Variants in TENM4 observed in about 807,000 individuals in gnomAD.
TENM4 encodes teneurin transmembrane protein 4.
TENM4 carries 82 observed loss-of-function variants against 243.3 expected under a neutral mutation model. That is an observed-to-expected ratio of 0.34 (90% CI 0.28 to 0.40). TENM4 has a LOEUF of 0.40. TENM4 is among the 10% of genes least tolerant of loss of function. TENM4 has a pLI of 1.00. For synonymous variants in TENM4, 1,412 were observed against 1,456.3 expected (o/e 0.97, Z 0.69); for missense variants, 3,138 against 3,673.3 (o/e 0.85, Z 3.77).
At chr11:79,185,164 G>A (rs994627611) in intron 3 of TENM4, among the ~76,000 whole-genome samples, 6 of 152,044 alleles carry the variant, frequency 3.9e-5, no homozygotes, top group African/African-American at 1.4e-4. Flanking sequence ...TGGATGTGGT[G>A]GCACATGCCT....
At chr11:79,044,778 G>A (rs1350022083) in intron 6 of TENM4, among the ~76,000 whole-genome samples, 3 of 152,118 alleles carry the variant, frequency 2.0e-5, no homozygotes, top group Non-Finnish European at 4.4e-5. Context: ...GGGTTAAAAC[G>A]GAAAACACAT....
At chr11:79,122,136 C>A (rs970083239) in intron 4 of TENM4, among the ~76,000 whole-genome samples, 10 of 152,130 alleles carry the variant, frequency 6.6e-5, no homozygotes. Flanking sequence ...CTCCTTTCTT[C>A]CTACAGTGGG....
intron 6 of TENM4, among the ~76,000 whole-genome samples, chr11:78,955,105 G>C (rs553462750): frequency 6.6e-5 from 10 of 152,300 alleles, no homozygotes; most frequent in African/African-American, 2.4e-4. Flanking sequence ...CTCACATGTT[G>C]GACTGACCAT....
intron 6 of TENM4, among the ~76,000 whole-genome samples, chr11:78,945,367 G>A (rs1201971040): frequency 6.6e-6 from 1 of 152,158 alleles, no homozygotes; most frequent in African/African-American, 2.4e-5. Context: ...TAATTGTTCT[G>A]AGATGCCACA....
chr11:79,036,286 C>G (rs898877400), intron 6 of TENM4, among the ~76,000 whole-genome samples: 3 of 152,228 alleles, frequency 2.0e-5, no homozygotes, highest in African/African-American at 7.2e-5. Flanking sequence ...ATAAACTCCA[C>G]GATGAGTGTT....
chr11:78,923,253 G>A (rs1470251818), intron 6 of TENM4, among the ~76,000 whole-genome samples: 1 of 152,104 alleles, frequency 6.6e-6, no homozygotes, highest in African/African-American at 2.4e-5. Flanking sequence ...TTTGAACCAA[G>A]GGCCCTGTAT....
chr11:79,220,782 A>G (rs1183466854), intron 2 of TENM4, among the ~76,000 whole-genome samples: 1 of 152,184 alleles, frequency 6.6e-6, no homozygotes, highest in Non-Finnish European at 1.5e-5. Flanking sequence ...TATGTCTTCA[A>G]TTCTCAGCAC....
At chr11:79,370,782 A>T (rs1857767792) in intron 1 of TENM4, among the ~76,000 whole-genome samples, 3 of 70,574 alleles carry the variant, frequency 4.3e-5, no homozygotes, top group Non-Finnish European at 9.1e-5. Context: ...CCTATGGTAA[A>T]AAAAAAAAAA....
chr11:78,978,396 A>AAAAGG (rs1449962223), intron 6 of TENM4, among the ~76,000 whole-genome samples: 6 of 147,968 alleles, frequency 4.1e-5, no homozygotes, highest in Non-Finnish European at 7.5e-5. Flanking sequence ...AAAAGAAAAG[A>AAAAGG]AAAGGAGCCT....
At chr11:79,373,461 G>T (rs960800053) in intron 1 of TENM4, among the ~76,000 whole-genome samples, 4 of 151,920 alleles carry the variant, frequency 2.6e-5, no homozygotes, top group African/African-American at 4.8e-5. Context: ...TCGTTGAAAG[G>T]TTGGCTGGCT....
At chr11:78,671,222 G>A (rs1198415368) in intron 31 of TENM4, among the ~76,000 whole-genome samples, 1 of 152,214 alleles carries the variant, frequency 6.6e-6, no homozygotes, top group African/African-American at 2.4e-5. Flanking sequence ...CTCCTTGTGT[G>A]GCCCTGGGAA....
At chr11:79,116,956 G>A (rs12796108) in intron 4 of TENM4, among the ~76,000 whole-genome samples, 31,064 of 152,040 alleles carry the variant, frequency 0.2, 4,005 homozygotes, top group Non-Finnish European at 0.3. Flanking sequence ...TATTTTTCAG[G>A]GTAATCCAAT....
At chr11:78,772,420 G>T (rs1021329596) in intron 17 of TENM4, among the ~76,000 whole-genome samples, 4 of 152,168 alleles carry the variant, frequency 2.6e-5, no homozygotes, top group Non-Finnish European at 5.9e-5. Context: ...TCTCCTCTCT[G>T]CTGCTGCTCA....
intron 1 of TENM4, among the ~76,000 whole-genome samples, chr11:79,385,974 A>G (rs1479384037): frequency 6.6e-6 from 1 of 152,218 alleles, no homozygotes; most frequent in Non-Finnish European, 1.5e-5. Context: ...ACAGCATATT[A>G]TGTTCTTTCA....
At chr11:79,332,768 T>A (rs975814337) in intron 1 of TENM4, among the ~76,000 whole-genome samples, 3 of 152,180 alleles carry the variant, frequency 2.0e-5, no homozygotes, top group Middle Eastern at 3.2e-3. Flanking sequence ...GAATATACAG[T>A]CTGCACCTCT....
chr11:79,147,198 A>G (rs1352754636), intron 4 of TENM4, among the ~76,000 whole-genome samples: 1 of 152,110 alleles, frequency 6.6e-6, no homozygotes, highest in Non-Finnish European at 1.5e-5. Flanking sequence ...ATTTGTAGGA[A>G]ACTTTACAGT....
chr11:79,266,750 A>C (rs1001657122), intron 2 of TENM4, among the ~76,000 whole-genome samples: 8 of 152,212 alleles, frequency 5.3e-5, no homozygotes, highest in Non-Finnish European at 8.8e-5. Context: ...GAGGCACACT[A>C]GTAGTGACCA....
intron 6 of TENM4, among the ~76,000 whole-genome samples, chr11:78,956,673 C>G (rs1857212664): frequency 1.3e-5 from 2 of 152,198 alleles, no homozygotes; most frequent in South Asian, 4.1e-4. Flanking sequence ...TTTAAGAAGA[C>G]ACAATTCAGG....
chr11:79,011,111 A>G (rs1300802929), intron 6 of TENM4, among the ~76,000 whole-genome samples: 1 of 152,214 alleles, frequency 6.6e-6, no homozygotes, highest in Non-Finnish European at 1.5e-5. Context: ...TTTCTTTTTG[A>G]AACCTACCCT....
Sources: allele counts gnomAD v4.1 joint callset (sites outside exome capture counted in the v4.1 genomes callset), GRCh38; gene constraint gnomAD v4.1.1; transcripts MANE v1.5; gene names NCBI Gene and HGNC (gene_info 2026-07-23, HGNC 2026-07-21).